The following TIRAP variants were observed in gnomAD, a reference collection of about 807,000 sequenced individuals.
TIRAP encodes the protein toll/interleukin-1 receptor domain-containing adapter protein.
Under a neutral mutation model 19.8 loss-of-function variants are expected in TIRAP, and 20 were observed. The ratio of observed to expected loss-of-function variants is 1.01; its 90% CI spans 0.71 to 1.47. The LOEUF (loss-of-function observed/expected upper bound fraction) is 1.47, where lower values mean the gene tolerates loss of function less well. TIRAP is among the 40% of genes most tolerant of loss of function. The probability of loss-of-function intolerance (pLI) is 0.00; values close to 1 mark genes in which losing one functional copy is unlikely to be tolerated. For synonymous variants in TIRAP, 125 were observed against 121.7 expected (o/e 1.03, Z -0.18); for missense variants, 276 against 285.1 (o/e 0.97, Z 0.23).
intron 1 of TIRAP, among the ~76,000 whole-genome samples, chr11:126,285,863 A>G (rs1168626986): frequency 6.6e-6 from 1 of 150,464 alleles, no homozygotes; most frequent in Non-Finnish European, 1.5e-5. Context: ...ACAAAGCAAG[A>G]TCCTGTCTGT....
At chr11:126,285,181 G>A (rs1029777820) in intron 1 of TIRAP, among the ~76,000 whole-genome samples, 2 of 148,894 alleles carry the variant, frequency 1.3e-5, no homozygotes, top group Non-Finnish European at 3.0e-5. Context: ...CGTCTTACTA[G>A]TTCCATTGAG....
chr11:126,286,898 T>C (rs184255980), intron 1 of TIRAP, among the ~76,000 whole-genome samples: 1 of 152,206 alleles, frequency 6.6e-6, no homozygotes, highest in Non-Finnish European at 1.5e-5. Context: ...AAAGAACCCA[T>C]GGACTTGCCT....
In TIRAP at chr11:126,292,927, G is replaced by A. The variant is rs1222375841; in HGVS notation, c.518G>A (p.Gly173Asp). 4 of 1,613,912 alleles carry A rather than the reference G, an allele frequency of 2.5e-6. No homozygotes were observed. Among genetic ancestry groups the A allele is most frequent in the Non-Finnish European group, 3.4e-6 (4 of 1,179,990 alleles). Residue 173 changes from glycine (G) to aspartate (D), a missense_variant, in exon 4 of 5, where the codon GGC becomes GAC. Gly to Asp is a moderately conservative substitution (Grantham distance 94). Coordinates refer to ENST00000392679, the MANE Select transcript of TIRAP (RefSeq NM_001318777.2). ...QALTEAPGAE[G>D]CTIPLLSGLS... Reference sequence around the variant, plus strand: ...CTGACCGAGGCTCCAGGGGCCGAGGGCTGCACCATCCCCCTGCTGTCGGGC... The same window carrying A: ...CTGACCGAGGCTCCAGGGGCCGAGGACTGCACCATCCCCCTGCTGTCGGGC...
intron 1 of TIRAP, among the ~76,000 whole-genome samples, chr11:126,284,894 A>G (rs1951301791): frequency 6.6e-6 from 1 of 151,588 alleles, no homozygotes. Flanking sequence ...CTGTTTGAGT[A>G]TATTCGTAGG....
chr11:126,292,884 T>G lies in TIRAP; in HGVS notation c.475T>G (p.Tyr159Asp). 1.2e-6 allele frequency: 2 copies of G among 1,613,546 alleles called. No individual in the cohort carries two copies. Among genetic ancestry groups the G allele is most frequent in the South Asian group, 2.2e-5 (2 of 91,040 alleles). ...CTTCCTTCAGGACCCCTGGTGCAAG[T>G]ACCAGATGCTGCAGGCCCTGACCGA... is the stretch of plus-strand genomic sequence containing the variant. The part of the protein sequence containing the change: ...PGFLQDPWCK[Y>D]QMLQALTEAP... Residue 159 changes from tyrosine (Y) to aspartate (D), a missense_variant, in exon 4 of 5, where the codon TAC becomes GAC. By Grantham distance (160) the Tyr-to-Asp change is radical. Transcript: ENST00000392679.
At position 126,292,477 on chromosome 11, in the gene TIRAP, A is replaced by T. The variant is rs201470535; in HGVS notation, c.68A>T (p.Asp23Val). Residue 23 changes from aspartate to valine, a missense_variant and splice_region_variant, in exon 4 of 5, where the codon GAC becomes GTC. Asp to Val is a radical substitution (Grantham distance 152). Transcript: ENST00000392679. ...RPKKPLGKMA[D>V]WFRQTLLKKP... The stretch of plus-strand genomic sequence containing the variant: ...CCTGAGCAGTGTTTCTCCCCCACAG[A>T]CTGGTTCAGGCAGACCCTGCTGAAG... 1.2e-4 allele frequency: 193 copies of T among 1,613,544 alleles called. No individual in the cohort carries two copies. Among genetic ancestry groups the T allele is most frequent in the Non-Finnish European group, 1.0e-4 (118 of 1,179,910 alleles).
chr11:126,286,271 A>C (rs1313127263), intron 1 of TIRAP, among the ~76,000 whole-genome samples: 1 of 151,378 alleles, frequency 6.6e-6, no homozygotes, highest in South Asian at 2.1e-4. Context: ...AGGCTGAGGC[A>C]CAAGAATCAC....
intron 4 of TIRAP, chr11:126,293,413 C>A: frequency 1.4e-6 from 1 of 705,600 alleles, no homozygotes; most frequent in Non-Finnish European, 2.6e-6. Context: ...ACAGTAATAG[C>A]ATTAGGTTTC....
chr11:126,293,616 A>C (rs1470189857), intron 4 of TIRAP, 52 bp from the exon 5 acceptor site: 2 of 1,608,386 alleles, frequency 1.2e-6, no homozygotes, highest in Non-Finnish European at 1.7e-6. Flanking sequence ...TGTTGGGGAA[A>C]ACAGATGCTG....
At chr11:126,283,293 C>T (rs997640616) in intron 1 of TIRAP, 140 bp downstream of exon 1, 2 of 318,200 alleles carry the variant, frequency 6.3e-6, no homozygotes, top group African/African-American at 4.5e-5. Flanking sequence ...CTGGTCCGGC[C>T]TTGCCCTGCT....
At position 126,287,507 on chromosome 11, in the gene TIRAP, G is replaced by T. The variant is rs888209535; in HGVS notation, c.-216-2955G>T. 1.3e-5 allele frequency among the ~76,000 whole-genome samples: 2 copies of T among 151,984 alleles called. No individual in the cohort carries two copies. The highest frequency in any genetic ancestry group is 4.8e-5 in the African/African-American group (2 of 41,346). ...AGCTAATTTTTGTATTTTTAGTAGA[G>T]ACAGGGTTTCACCATGTTGGCCAGG... is the stretch of plus-strand genomic sequence containing the variant. On this transcript the variant is annotated intron_variant, in intron 1 of 4. Transcript: ENST00000392679. This position sits in a 1 kb window ranked among gnomAD's most constrained non-coding sequence, Gnocchi z 4.2.
chr11:126,291,323 C>T lies in TIRAP; in HGVS notation c.67+362C>T. Reference sequence around the variant, plus strand: ...GAGAGAGAAAATGAATCAATCCCCACCACAACTATCTGTCCTTATCAAAGG... The same window carrying T: ...GAGAGAGAAAATGAATCAATCCCCATCACAACTATCTGTCCTTATCAAAGG... On this transcript the variant is annotated intron_variant, in intron 3 of 4. Transcript: ENST00000392679. The surrounding 1 kb of genome is among the most constrained non-coding windows in gnomAD (Gnocchi z 5.6). The T allele has an allele frequency of 1.5e-6, 1 of 683,218 alleles. No individual in the cohort carries two copies. The highest frequency in any genetic ancestry group is 2.3e-6 in the Non-Finnish European group (1 of 435,402). The allele number at this position is 683,218 out of a possible 1,614,324, so 42.3% of individuals were successfully genotyped here.
rs1181537776 is a variant in TIRAP at position 126,290,526 on chromosome 11, C to A, written c.-152C>A. 2.9e-6 allele frequency: 3 copies of A among 1,018,006 alleles called. No individual in the cohort carries two copies. The highest frequency in any genetic ancestry group is 2.3e-6 in the Non-Finnish European group (2 of 852,014). 63.1% of individuals were successfully genotyped at this position (1,018,006 alleles called of 1,614,324 possible). On this transcript the variant is annotated 5_prime_UTR_variant, in exon 2 of 5. Coordinates refer to ENST00000392679, the MANE Select transcript of TIRAP (RefSeq NM_001318777.2). This position sits in a 1 kb window ranked among gnomAD's most constrained non-coding sequence, Gnocchi z 4.9. ...CTGCCCTTCCCCAGATCCCGAATATCCTCCTGGCCAGGTGGAGCAGAGAAC... is the reference window on the plus strand; with the variant it reads ...CTGCCCTTCCCCAGATCCCGAATATACTCCTGGCCAGGTGGAGCAGAGAAC...
rs1334207269 is a variant in TIRAP at position 126,291,441 on chromosome 11, C to A, written c.67+480C>A. 1 of 1,327,614 alleles carries A rather than the reference C, an allele frequency of 7.5e-7. No individual in the cohort carries two copies. The highest frequency in any genetic ancestry group is 2.1e-5 in the Admixed American group (1 of 47,584). The allele number at this position is 1,327,614 out of a possible 1,614,324, so 82.2% of individuals were successfully genotyped here. A position where few individuals can be genotyped will look rare whatever the true frequency, so the allele number is the denominator to read the frequency against. ...CCCCCACAGACTGGTTCAGGCAGAC[C>A]CTGCTGAAGAAGCCCAAGAAGAGGC... On this transcript the variant is annotated intron_variant, in intron 3 of 4. Coordinates refer to ENST00000392679, the MANE Select transcript of TIRAP (RefSeq NM_001318777.2). This position sits in a 1 kb window ranked among gnomAD's most constrained non-coding sequence, Gnocchi z 5.6.
chr11:126,283,341 C>T (rs574454880), intron 1 of TIRAP, among the ~76,000 whole-genome samples, 188 bp downstream of exon 1: 2 of 152,192 alleles, frequency 1.3e-5, no homozygotes, highest in Non-Finnish European at 2.9e-5. Context: ...CTTTCTGGCA[C>T]CCGCAACACG....
At position 126,291,691 on chromosome 11, in the gene TIRAP, C is replaced by G. The variant is rs1951390400; in HGVS notation, c.67+730C>G. 1 of 382,968 alleles carries G rather than the reference C, an allele frequency of 2.6e-6. No homozygotes were observed. Among genetic ancestry groups the G allele is most frequent in the Non-Finnish European group, 5.2e-6 (1 of 190,610 alleles). The allele number at this position is 382,968 out of a possible 1,614,324, so 23.7% of individuals were successfully genotyped here. ...AGATGCCAGTCCTCCGTACCCCTTC[C>G]TTCCTGTATACGTAGCCCTTCCTAA... is the stretch of plus-strand genomic sequence containing the variant. On this transcript the variant is annotated intron_variant, in intron 3 of 4. Coordinates refer to ENST00000392679, the MANE Select transcript of TIRAP (RefSeq NM_001318777.2). This position sits in a 1 kb window ranked among gnomAD's most constrained non-coding sequence, Gnocchi z 5.6.
Position 126,290,240 on chromosome 11 carries a change from A to G in TIRAP, c.-216-222A>G, listed in dbSNP as rs763640955. Among the ~76,000 whole-genome samples, 12 of 152,208 alleles carry G rather than the reference A, an allele frequency of 7.9e-5. No homozygotes were observed. Among genetic ancestry groups the G allele is most frequent in the South Asian group, 2.1e-4 (1 of 4,828 alleles). On this transcript the variant is annotated intron_variant, in intron 1 of 4. Coordinates refer to ENST00000392679, the MANE Select transcript of TIRAP (RefSeq NM_001318777.2). This position sits in a 1 kb window ranked among gnomAD's most constrained non-coding sequence, Gnocchi z 4.9. Reference sequence around the variant, plus strand: ...ACCAGAGATGAGAATCAGGCACTCTACCTGCAGTCTGCAGTCTGTACCACT... The same window carrying G: ...ACCAGAGATGAGAATCAGGCACTCTGCCTGCAGTCTGCAGTCTGTACCACT...
intron 3 of TIRAP, 106 bp from the exon 4 acceptor site, chr11:126,292,371 G>T: frequency 8.5e-7 from 1 of 1,176,886 alleles, no homozygotes. Flanking sequence ...GCAGGGAGGT[G>T]GGCTGCAGTC....
intron 1 of TIRAP, among the ~76,000 whole-genome samples, chr11:126,284,768 C>A (rs1366582715): frequency 6.6e-6 from 1 of 151,286 alleles, no homozygotes; most frequent in African/African-American, 2.4e-5. Flanking sequence ...GCAGGAGAAT[C>A]GCTTGAACGT....
Sources: gnomAD v4.1 joint callset for allele counts (sites outside exome capture counted in the v4.1 genomes callset) on GRCh38, gnomAD v4.1.1 for gene constraint, Gnocchi (gnomAD v3.1) non-coding constraint, MANE v1.5 for transcripts, NCBI Gene and HGNC (gene_info 2026-07-23, HGNC 2026-07-21) for gene names.